RREB1: variants seen among roughly 807,000 people sequenced by gnomAD.
The protein encoded by RREB1 is ras responsive element binding protein 1, also known as ras-responsive element-binding protein 1.
RREB1 carries 27 observed loss-of-function variants against 117.8 expected under a neutral mutation model. The observed-to-expected ratio is 0.23, with a 90% confidence interval of 0.17 to 0.32. The LOEUF (loss-of-function observed/expected upper bound fraction) is 0.32. Among genes scored for constraint, RREB1 ranks in the 10% least tolerant of loss-of-function variants. The probability of loss-of-function intolerance (pLI) is 1.00; values close to 1 mark genes in which losing one functional copy is unlikely to be tolerated. For synonymous variants in RREB1, 1,298 were observed against 1,026.7 expected (o/e 1.26, Z -5.05); for missense variants, 2,577 against 2,378.2 (o/e 1.08, Z -1.74).
At chr6:7,238,198 T>TA (rs1472754606) in intron 10 of RREB1, among the ~76,000 whole-genome samples, 1 of 152,246 alleles carries the variant, frequency 6.6e-6, no homozygotes, top group Non-Finnish European at 1.5e-5. Context: ...AATTATTAAA[T>TA]ACTGTGTTCA....
chr6:7,144,445 A>G (rs778774162), intron 1 of RREB1, among the ~76,000 whole-genome samples: 58 of 152,242 alleles, frequency 3.8e-4, no homozygotes, highest in Non-Finnish European at 7.6e-4. Context: ...ATTTATAAGT[A>G]ACTGTTTAAT....
At chr6:7,123,308 C>T (rs375983132) in intron 1 of RREB1, among the ~76,000 whole-genome samples, 7 of 152,148 alleles carry the variant, frequency 4.6e-5, no homozygotes, top group African/African-American at 9.6e-5. Flanking sequence ...TGTACAGGCG[C>T]GTGCCGCCAC....
intron 6 of RREB1, among the ~76,000 whole-genome samples, chr6:7,200,284 T>TA (rs1765897463): frequency 2.5e-5 from 2 of 80,266 alleles, no homozygotes; most frequent in African/African-American, 1.3e-4. Context: ...GTGTGTGTAT[T>TA]TTTTTTTTTT....
chr6:7,199,748 C>T (rs866307625), intron 6 of RREB1, among the ~76,000 whole-genome samples: 4 of 152,064 alleles, frequency 2.6e-5, no homozygotes, highest in Non-Finnish European at 4.4e-5. Context: ...ACTGCAACCT[C>T]AACCTCCCAG....
At chr6:7,117,431 G>C (rs150136868) in intron 1 of RREB1, among the ~76,000 whole-genome samples, 1 of 74,356 alleles carries the variant, frequency 1.3e-5, no homozygotes, top group Non-Finnish European at 2.4e-5. Context: ...TTTTTGAGAC[G>C]AAGTGTTTTA....
intron 1 of RREB1, among the ~76,000 whole-genome samples, chr6:7,141,659 G>A (rs1001498399): frequency 1.2e-4 from 19 of 152,356 alleles, no homozygotes; most frequent in Admixed American, 1.2e-3. Flanking sequence ...GGTATTTCAT[G>A]ATGGGTAGCT....
At chr6:7,228,636 G>A (rs1293537505) in intron 9 of RREB1, among the ~76,000 whole-genome samples, 2 of 150,060 alleles carry the variant, frequency 1.3e-5, no homozygotes, top group African/African-American at 4.9e-5. Context: ...CCTCCCAATA[G>A]CTAGGACACA....
At chr6:7,240,656 T>C in intron 11 of RREB1, 54 bp downstream of exon 11, 1 of 1,548,720 alleles carries the variant, frequency 6.5e-7, no homozygotes, top group South Asian at 1.2e-5. Context: ...AGGAGTTCGG[T>C]TAAGAATTGT....
chr6:7,167,468 C>T (rs1209374980), intron 1 of RREB1, among the ~76,000 whole-genome samples: 1 of 151,772 alleles, frequency 6.6e-6, no homozygotes, highest in East Asian at 1.9e-4. Context: ...ATTCTCCTGC[C>T]TCAGCCTCCT....
intron 8 of RREB1, among the ~76,000 whole-genome samples, chr6:7,222,790 C>T (rs1180558599): frequency 6.8e-6 from 1 of 148,078 alleles, no homozygotes; most frequent in Non-Finnish European, 1.5e-5. Flanking sequence ...AGCGAGCCTG[C>T]CTCAAAAAAG....
intron 6 of RREB1, among the ~76,000 whole-genome samples, chr6:7,210,513 C>G (rs1423519180): frequency 1.3e-5 from 2 of 152,158 alleles, no homozygotes; most frequent in African/African-American, 2.4e-5. Flanking sequence ...ATGAGTGGAA[C>G]AGGTCACCAG....
chr6:7,232,051 TTGTC>T lies in RREB1; in HGVS notation c.3808+147_3808+150del, dbSNP rs1482466237. The T allele has an allele frequency of 5.8e-5, 49 of 847,030 alleles. No homozygotes were observed. The East Asian group carries it at 1.3e-3, about 22-fold the overall frequency. The allele number at this position is 847,030 out of a possible 1,614,324, so 52.5% of individuals were successfully genotyped here. On this transcript the variant is annotated intron_variant, in intron 10 of 12. Transcript: ENST00000379938. ...TTCCCCGGTCTCCGAAGCCCCGAGC[TTGTC>T]TGGTGGTGCTGTATTTCCTATGTGC...
rs1769272488 is a variant in RREB1 at position 7,248,867 on chromosome 6, G to A, written c.5128G>A (p.Ala1710Thr). Residue 1710 changes from alanine to threonine, a missense_variant, in exon 13 of 13, where the codon GCG (alanine) becomes ACG (threonine). Physicochemically the swap from Ala to Thr is moderately conservative, Grantham distance 58. Transcript: ENST00000379938. ...GQGDLNPESP[A>T]ALGQDLLEPR... Reference sequence around the variant, plus strand: ...GGGTGACCTTAACCCAGAGAGCCCGGCGGCCCTGGGGCAGGACCTGCTGGA... The same window carrying A: ...GGGTGACCTTAACCCAGAGAGCCCGACGGCCCTGGGGCAGGACCTGCTGGA... 7 of 1,597,852 alleles carry A rather than the reference G, an allele frequency of 4.4e-6. No individual in the cohort carries two copies. Among genetic ancestry groups the A allele is most frequent in the Non-Finnish European group, 6.0e-6 (7 of 1,172,944 alleles).
At chr6:7,193,732 C>T (rs575362192) in intron 6 of RREB1, among the ~76,000 whole-genome samples, 2 of 152,246 alleles carry the variant, frequency 1.3e-5, no homozygotes, top group South Asian at 4.1e-4. Context: ...ATAGCCTGAA[C>T]ATAATTGTAT....
At chr6:7,120,160 A>G (rs531333389) in intron 1 of RREB1, among the ~76,000 whole-genome samples, 1 of 149,376 alleles carries the variant, frequency 6.7e-6, no homozygotes, top group East Asian at 2.0e-4. Context: ...ATTAAAAATT[A>G]TGTACCTAGG....
chr6:7,180,679 G>T (rs1056346006), intron 2 of RREB1, among the ~76,000 whole-genome samples: 1 of 152,134 alleles, frequency 6.6e-6, no homozygotes, highest in Non-Finnish European at 1.5e-5. Flanking sequence ...TTTTCATGTC[G>T]CCAGGTTTCT....
intron 1 of RREB1, among the ~76,000 whole-genome samples, chr6:7,132,766 G>A (rs180969893): frequency 2.6e-5 from 4 of 152,202 alleles, no homozygotes; most frequent in African/African-American, 4.8e-5. Context: ...GGATTGTAGA[G>A]TGTAATATAA....
At chr6:7,224,375 A>G (rs1357162889) in intron 8 of RREB1, among the ~76,000 whole-genome samples, 1 of 152,216 alleles carries the variant, frequency 6.6e-6, no homozygotes, top group Non-Finnish European at 1.5e-5. Flanking sequence ...AATATATCAA[A>G]TATCTCTGAT....
chr6:7,240,676 CAGTCCG>C (rs2113166664), intron 11 of RREB1, 74 bp downstream of exon 11: 2 of 1,404,288 alleles, frequency 1.4e-6, no homozygotes, highest in Non-Finnish European at 2.0e-6. Context: ...TAGCAAACTC[CAGTCCG>C]AGCTGTGGAG....
Sources: gnomAD v4.1 joint callset for allele counts (sites outside exome capture counted in the v4.1 genomes callset) on GRCh38, gnomAD v4.1.1 for gene constraint, MANE v1.5 for transcripts, NCBI Gene and HGNC (gene_info 2026-07-23, HGNC 2026-07-21) for gene names.